NALF1: variants seen among roughly 807,000 people sequenced by gnomAD.
NALF1 encodes the protein family with sequence similarity 155 member A.
In NALF1, 3 loss-of-function variants were observed where a neutral mutation model predicts 48.4. The ratio of observed to expected loss-of-function variants is 0.06; its 90% CI spans 0.03 to 0.16. NALF1 has a LOEUF of 0.16. Ranked by LOEUF, NALF1 falls within the 10% of genes least tolerant of loss-of-function variation. The pLI, the probability that NALF1 is intolerant of heterozygous loss-of-function variation, is 1.00. For synonymous variants in NALF1, 262 were observed against 245.7 expected, an observed-to-expected ratio of 1.07 and a Z score of -0.62; for missense variants, 526 against 571.5, an observed-to-expected ratio of 0.92 and a Z score of 0.81.
intron 1 of NALF1, among the ~76,000 whole-genome samples, chr13:107,798,333 TAG>T (rs1367496154): frequency 6.6e-6 from 1 of 152,224 alleles, no homozygotes; most frequent in Non-Finnish European, 1.5e-5. Context: ...TTCTTCTCTC[TAG>T]AGGTTAATAC....
intron 1 of NALF1, among the ~76,000 whole-genome samples, chr13:107,703,056 A>T (rs2138512862): frequency 6.6e-6 from 1 of 152,284 alleles, no homozygotes; most frequent in African/African-American, 2.4e-5. Flanking sequence ...CTTTGGGTAT[A>T]TACCCAATAA....
At chr13:107,674,891 C>A (rs989286295) in intron 1 of NALF1, among the ~76,000 whole-genome samples, 3 of 152,060 alleles carry the variant, frequency 2.0e-5, no homozygotes, top group Non-Finnish European at 4.4e-5. Context: ...CCCTCCCCAG[C>A]GACTCAAAGG....
chr13:107,686,998 A>T (rs1344337212), intron 1 of NALF1, among the ~76,000 whole-genome samples: 2 of 152,226 alleles, frequency 1.3e-5, no homozygotes, highest in African/African-American at 4.8e-5. Flanking sequence ...GTCACCTGCA[A>T]TCCTATGTTT....
chr13:107,480,052 T>A (rs530010657), intron 1 of NALF1, among the ~76,000 whole-genome samples: 1 of 152,258 alleles, frequency 6.6e-6, no homozygotes, highest in East Asian at 1.9e-4. Flanking sequence ...AGGATCCAAT[T>A]TCAAAAAATA....
intron 1 of NALF1, among the ~76,000 whole-genome samples, chr13:107,249,632 ATTTCACTATG>A (rs71667151): frequency 0.13 from 19,116 of 152,054 alleles, 1,559 homozygotes; most frequent in East Asian, 0.4. Context: ...GGCCAAAACT[ATTTCACTATG>A]TCATTTTCAC....
chr13:107,235,236 C>T (rs562272370), intron 1 of NALF1, among the ~76,000 whole-genome samples: 33 of 152,228 alleles, frequency 2.2e-4, no homozygotes, highest in African/African-American at 7.5e-4. Flanking sequence ...TTCAAGTTAT[C>T]CCAGAAAGGA....
intron 1 of NALF1, among the ~76,000 whole-genome samples, chr13:107,431,378 AAC>A (rs529823080): frequency 2.0e-5 from 3 of 151,724 alleles, no homozygotes; most frequent in Admixed American, 1.3e-4. Context: ...GTTTCTCCTA[AAC>A]ACACACACAC....
Position 107,326,413 on chromosome 13 carries a change from C to T in NALF1, c.916-115658G>A, listed in dbSNP as rs541497806. 6.6e-5 allele frequency among the ~76,000 whole-genome samples: 10 copies of T among 152,206 alleles called. No homozygotes were observed. The South Asian group carries it at 2.1e-3, about 32-fold the overall frequency. On this transcript the variant is annotated intron_variant, in intron 1 of 2. Transcript: ENST00000375915. ...CCATGTAAATTACCAACTTTATTAA[C>T]GATTGACCTTTCCTCCATGCAAGAC...
intron 1 of NALF1, among the ~76,000 whole-genome samples, chr13:107,614,182 T>C (rs1392828833): frequency 2.6e-5 from 4 of 152,196 alleles, no homozygotes; most frequent in African/African-American, 9.6e-5. Flanking sequence ...ATCTCTCATA[T>C]CACAGCAAGA....
intron 1 of NALF1, among the ~76,000 whole-genome samples, chr13:107,443,005 A>C (rs988755869): frequency 5.3e-5 from 8 of 152,144 alleles, no homozygotes; most frequent in Admixed American, 2.6e-4. Context: ...AAATGTTTTA[A>C]AATAAAAGTT....
intron 1 of NALF1, among the ~76,000 whole-genome samples, chr13:107,445,678 A>G (rs958313156): frequency 6.6e-6 from 1 of 152,194 alleles, no homozygotes; most frequent in Non-Finnish European, 1.5e-5. Context: ...CATTCCTACC[A>G]GCAATATGTG....
chr13:107,619,779 T>C (rs1879473979), intron 1 of NALF1, among the ~76,000 whole-genome samples: 1 of 152,146 alleles, frequency 6.6e-6, no homozygotes, highest in Non-Finnish European at 1.5e-5. Flanking sequence ...ACGACAAGAA[T>C]GTAGGTCTCC....
intron 1 of NALF1, among the ~76,000 whole-genome samples, chr13:107,682,251 C>G (rs1486281763): frequency 6.6e-6 from 1 of 152,140 alleles, no homozygotes; most frequent in Admixed American, 6.5e-5. Flanking sequence ...AACAAATGCT[C>G]TAATATGCTT....
intron 1 of NALF1, among the ~76,000 whole-genome samples, chr13:107,262,180 C>T (rs924016144): frequency 1.2e-4 from 19 of 152,104 alleles, no homozygotes; most frequent in African/African-American, 2.2e-4. Flanking sequence ...TTTGGGACAT[C>T]GAGGTGGGTG....
chr13:107,751,664 C>T (rs1876940502), intron 1 of NALF1, among the ~76,000 whole-genome samples: 1 of 152,094 alleles, frequency 6.6e-6, no homozygotes, highest in South Asian at 2.1e-4. Flanking sequence ...TATTAAGATA[C>T]TACTGTAAAA....
At chr13:107,493,288 A>G (rs1047170002) in intron 1 of NALF1, among the ~76,000 whole-genome samples, 10 of 149,614 alleles carry the variant, frequency 6.7e-5, no homozygotes, top group African/African-American at 1.9e-4. Context: ...ATAACTCCAG[A>G]AAAAAAAATA....
At chr13:107,707,136 A>G (rs960064900) in intron 1 of NALF1, among the ~76,000 whole-genome samples, 7 of 151,256 alleles carry the variant, frequency 4.6e-5, no homozygotes, top group African/African-American at 1.7e-4. Context: ...TTTAGCCGGG[A>G]TGGTCTCGAT....
At chr13:107,194,095 G>C (rs1170419124) in intron 2 of NALF1, among the ~76,000 whole-genome samples, 1 of 150,858 alleles carries the variant, frequency 6.6e-6, no homozygotes, top group Non-Finnish European at 1.5e-5. Flanking sequence ...AATATACCTT[G>C]ATGTTTATCT....
intron 1 of NALF1, among the ~76,000 whole-genome samples, chr13:107,649,660 A>C (rs1880397541): frequency 6.6e-6 from 1 of 152,228 alleles, no homozygotes; most frequent in African/African-American, 2.4e-5. Flanking sequence ...GAACAGTCAC[A>C]GAAAATAAAA....
Sources: gnomAD v4.1 joint callset for allele counts (sites outside exome capture counted in the v4.1 genomes callset) on GRCh38, gnomAD v4.1.1 for gene constraint, MANE v1.5 for transcripts, NCBI Gene and HGNC (gene_info 2026-07-23, HGNC 2026-07-21) for gene names.